The following KIF6 variants were observed in gnomAD, a reference collection of about 807,000 sequenced individuals.
KIF6 encodes kinesin-like protein KIF6.
In KIF6, 106 loss-of-function variants were observed where a neutral mutation model predicts 112.7. That is an observed-to-expected ratio of 0.94 (90% CI 0.80 to 1.11). The LOEUF (loss-of-function observed/expected upper bound fraction) is 1.11, where lower values mean the gene tolerates loss of function less well. Among genes scored for constraint, KIF6 ranks in the 50% least tolerant of loss-of-function variants. The probability of loss-of-function intolerance (pLI) is 0.00; values close to 1 mark genes in which losing one functional copy is unlikely to be tolerated. For missense variants in KIF6, 929 were observed against 964.0 expected (o/e 0.96, Z 0.48); for synonymous variants, 339 against 339.9 (o/e 1.00, Z 0.03).
At chr6:39,362,771 C>G (rs1215860956) in intron 16 of KIF6, among the ~76,000 whole-genome samples, 1 of 152,160 alleles carries the variant, frequency 6.6e-6, no homozygotes, top group Non-Finnish European at 1.5e-5. Flanking sequence ...TCTGTGTCTA[C>G]TAATCCTTTT....
Position 39,613,181 on chromosome 6 carries a change from T to G in KIF6, c.639+8A>C. On this transcript the variant is annotated splice_region_variant and intron_variant, in intron 6 of 22. Transcript: ENST00000287152. ...TGAAGAAACAGCTTGCAGAGAGAAG[T>G]TTATTACCTCTGCAATCATTCGGTT... 1 of 1,577,702 alleles carries G rather than the reference T, an allele frequency of 6.3e-7. No individual in the cohort carries two copies. Among genetic ancestry groups the G allele is most frequent in the Non-Finnish European group, 8.6e-7 (1 of 1,165,316 alleles).
intron 18 of KIF6, among the ~76,000 whole-genome samples, chr6:39,359,024 T>C (rs981263644): frequency 6.6e-6 from 1 of 152,182 alleles, no homozygotes; most frequent in Non-Finnish European, 1.5e-5. Context: ...TTCTAACTAG[T>C]TTTCTTTGTT....
chr6:39,601,207 C>T (rs1782551766), intron 6 of KIF6, among the ~76,000 whole-genome samples: 1 of 152,046 alleles, frequency 6.6e-6, no homozygotes, highest in Non-Finnish European at 1.5e-5. Context: ...CCTCTGTGTC[C>T]CATGGATGGA....
chr6:39,358,164 G>GA (rs1764857661), intron 18 of KIF6, among the ~76,000 whole-genome samples: 1 of 152,220 alleles, frequency 6.6e-6, no homozygotes, highest in African/African-American at 2.4e-5. Context: ...AGTCTTGGCA[G>GA]AATGCCCTGT....
chr6:39,699,602 C>T (rs1788755665), intron 3 of KIF6, among the ~76,000 whole-genome samples: 1 of 151,988 alleles, frequency 6.6e-6, no homozygotes, highest in Non-Finnish European at 1.5e-5. Context: ...GCCCAGTGCA[C>T]AATGAAAATG....
rs147271169 is a variant in KIF6, at chr6:39,379,509, T to C, written c.1861+6113A>G. Among the ~76,000 whole-genome samples the C allele has an allele frequency of 4.9e-3, 750 of 152,216 alleles. 8 individuals are homozygous for C. The highest frequency in any genetic ancestry group is 0.017 in the African/African-American group (713 of 41,526). On this transcript the variant is annotated intron_variant, in intron 16 of 22. Coordinates refer to ENST00000287152, the MANE Select transcript of KIF6 (RefSeq NM_145027.6). ...CATGGAGAATATATATGGAAATAAA[T>C]AATTACAAAATAGGGTTGGTGCTTT...
intron 14 of KIF6, among the ~76,000 whole-genome samples, chr6:39,422,863 G>C (rs539624845): frequency 6.6e-6 from 1 of 152,094 alleles, no homozygotes; most frequent in South Asian, 2.1e-4. Flanking sequence ...TCTAAAAGGC[G>C]CATCCTCATC....
At chr6:39,460,536 T>TAAAAAAAAAAAAAAAAAAAAAAAAAATG (rs759528125) in intron 13 of KIF6, among the ~76,000 whole-genome samples, 1 of 57,078 alleles carries the variant, frequency 1.8e-5, no homozygotes, top group African/African-American at 7.3e-5. Flanking sequence ...AAAAAAAAAG[T>TAAAAAAAAAAAAAAAAAAAAAAAAAATG]AAAAAAAAAA....
chr6:39,685,241 T>C (rs1156393986), intron 3 of KIF6, among the ~76,000 whole-genome samples: 1 of 152,172 alleles, frequency 6.6e-6, no homozygotes, highest in Non-Finnish European at 1.5e-5. Context: ...TGCAATATAC[T>C]TGAGATGGCA....
intron 15 of KIF6, among the ~76,000 whole-genome samples, chr6:39,390,820 C>T (rs9380855): frequency 0.091 from 13,793 of 152,100 alleles, 1,076 homozygotes; most frequent in East Asian, 0.2. Flanking sequence ...ACAATTTCAG[C>T]TGTCATGTGA....
chr6:39,548,102 T>G (rs1582107010), intron 10 of KIF6, among the ~76,000 whole-genome samples: 1 of 152,226 alleles, frequency 6.6e-6, no homozygotes, highest in East Asian at 1.9e-4. Flanking sequence ...GCAGACAATA[T>G]TAAGTTGGAA....
chr6:39,460,917 A>G (rs186952866), intron 13 of KIF6, among the ~76,000 whole-genome samples: 9 of 152,334 alleles, frequency 5.9e-5, no homozygotes, highest in African/African-American at 1.4e-4. Flanking sequence ...CCAACATGGC[A>G]GGCTTCAACT....
chr6:39,517,902 CA>C (rs933712111), intron 13 of KIF6, among the ~76,000 whole-genome samples: 2 of 151,988 alleles, frequency 1.3e-5, no homozygotes, highest in African/African-American at 4.8e-5. Flanking sequence ...AGAAAAATCA[CA>C]AAAAAACCAC....
intron 16 of KIF6, among the ~76,000 whole-genome samples, chr6:39,376,336 A>G (rs1766437769): frequency 6.6e-6 from 1 of 152,170 alleles, no homozygotes; most frequent in African/African-American, 2.4e-5. Context: ...GTCTGAAGGA[A>G]GCCTGCCTTC....
rs563363957 is a variant in KIF6 at position 39,692,673 on chromosome 6, A to G, written c.251+22019T>C. On this transcript the variant is annotated intron_variant, in intron 3 of 22. Transcript: ENST00000287152. ...TTGAGATACTTCTGAACCTCCATTCATTACTTATTTTGTCAAGTAATTTCT... is the reference window on the plus strand; with the variant it reads ...TTGAGATACTTCTGAACCTCCATTCGTTACTTATTTTGTCAAGTAATTTCT... 1.8e-3 allele frequency among the ~76,000 whole-genome samples: 270 copies of G among 152,328 alleles called. 2 individuals are homozygous for G. Among genetic ancestry groups the G allele is most frequent in the African/African-American group, 5.7e-3 (238 of 41,566 alleles).
chr6:39,705,955 C>T (rs1789182346), intron 3 of KIF6, among the ~76,000 whole-genome samples: 1 of 152,226 alleles, frequency 6.6e-6, no homozygotes, highest in Admixed American at 6.5e-5. Flanking sequence ...CTTCTGGTGG[C>T]ACCAGCTTAA....
chr6:39,598,706 C>T (rs1164216309), intron 6 of KIF6, among the ~76,000 whole-genome samples: 2 of 151,832 alleles, frequency 1.3e-5, no homozygotes, highest in East Asian at 3.9e-4. Context: ...GAAATTGGTG[C>T]AAGACGCACA....
intron 9 of KIF6, among the ~76,000 whole-genome samples, chr6:39,580,262 A>G (rs1299869444): frequency 2.6e-5 from 4 of 152,018 alleles, no homozygotes; most frequent in Admixed American, 2.6e-4. Flanking sequence ...CTGTAAATAG[A>G]ATTTTTATAA....
intron 3 of KIF6, chr6:39,690,923 A>G (rs537798265): frequency 6.6e-6 from 1 of 152,376 alleles, no homozygotes; most frequent in South Asian, 2.1e-4. Context: ...AAGGAAATTT[A>G]CAGACAAGGT....
Sources: allele counts gnomAD v4.1 joint callset (sites outside exome capture counted in the v4.1 genomes callset), GRCh38; gene constraint gnomAD v4.1.1; transcripts MANE v1.5; gene names NCBI Gene and HGNC (gene_info 2026-07-23, HGNC 2026-07-21).